RBM27: variants seen among roughly 807,000 people sequenced by gnomAD.
The protein encoded by RBM27 is RNA-binding protein 27.
Under a neutral mutation model 135.3 loss-of-function variants are expected in RBM27, and 22 were observed. The observed-to-expected ratio is 0.16, with a 90% CI of 0.12 to 0.23. The LOEUF is 0.23. Ranked by LOEUF, RBM27 falls within the 10% of genes least tolerant of loss-of-function variation. The probability of loss-of-function intolerance (pLI) is 1.00; values close to 1 mark genes in which losing one functional copy is unlikely to be tolerated. For synonymous variants in RBM27, 481 were observed against 442.4 expected (o/e 1.09, Z -1.10); for missense variants, 1,009 against 1,281.0 (o/e 0.79, Z 3.24).
At chr5:146,241,493 T>C (rs1757407164) in intron 8 of RBM27, among the ~76,000 whole-genome samples, 1 of 152,226 alleles carries the variant, frequency 6.6e-6, no homozygotes, top group Non-Finnish European at 1.5e-5. Context: ...CAAATTATTA[T>C]TATTTTTTGA....
chr5:146,240,084 CTT>C (rs1248918104), intron 8 of RBM27, among the ~76,000 whole-genome samples: 1 of 152,090 alleles, frequency 6.6e-6, no homozygotes, highest in Non-Finnish European at 1.5e-5. Flanking sequence ...GCCTTTAACT[CTT>C]TCAATAGTCT....
chr5:146,241,371 CA>C (rs1757401920), intron 8 of RBM27, among the ~76,000 whole-genome samples: 1 of 152,054 alleles, frequency 6.6e-6, no homozygotes. Flanking sequence ...ACTAGGGAGC[CA>C]AGGTGAATAA....
At chr5:146,274,047 C>T (rs928581488) in intron 19 of RBM27, among the ~76,000 whole-genome samples, 8 of 151,720 alleles carry the variant, frequency 5.3e-5, no homozygotes, top group South Asian at 2.1e-4. Flanking sequence ...TGCAATGGCA[C>T]GATCTTGGCT....
intron 19 of RBM27, among the ~76,000 whole-genome samples, chr5:146,275,869 G>GT (rs1405069221): frequency 6.6e-6 from 1 of 152,110 alleles, no homozygotes; most frequent in Non-Finnish European, 1.5e-5. Flanking sequence ...TCATTTAACT[G>GT]TAAGAATTTT....
chr5:146,217,464 G>GTT lies in RBM27; in HGVS notation c.60-1495_60-1494dup, dbSNP rs545963169. On this transcript the variant is annotated intron_variant, in intron 1 of 20. Transcript: ENST00000265271. ...GATTGATACTCTTGAGCTGAAGCCT[G>GTT]TTTTTTTTTTTTTTTTTTTTTTTTT... Among the ~76,000 whole-genome samples the GTT allele has an allele frequency of 6.3e-3, 449 of 70,782 alleles. 92 individuals carry two copies. The highest frequency in any genetic ancestry group is 0.016 in the African/African-American group (272 of 16,502). The allele number at this position is 70,782 out of a possible 152,430, so 46.4% of individuals were successfully genotyped here. A position where few individuals can be genotyped will look rare whatever the true frequency, so the allele number is the denominator to read the frequency against.
At chr5:146,282,252 C>T (rs1484274798) in intron 19 of RBM27, among the ~76,000 whole-genome samples, 4 of 152,110 alleles carry the variant, frequency 2.6e-5, no homozygotes, top group African/African-American at 9.7e-5. Context: ...GTGATCCGCC[C>T]ACCTCGGCCT....
At chr5:146,247,453 G>A (rs963201074) in intron 8 of RBM27, among the ~76,000 whole-genome samples, 3 of 151,952 alleles carry the variant, frequency 2.0e-5, no homozygotes, top group African/African-American at 4.8e-5. Context: ...TTTATTTGAC[G>A]CTATATCCAA....
intron 10 of RBM27, among the ~76,000 whole-genome samples, chr5:146,256,445 G>T (rs1371452692): frequency 6.6e-6 from 1 of 151,176 alleles, no homozygotes; most frequent in African/African-American, 2.4e-5. Context: ...CGCCTCCTGG[G>T]TTCAAGCGAT....
intron 8 of RBM27, among the ~76,000 whole-genome samples, chr5:146,246,824 A>G (rs1334521106): frequency 6.6e-6 from 1 of 151,120 alleles, no homozygotes; most frequent in Non-Finnish European, 1.5e-5. Context: ...ATCTTGCTTC[A>G]TCCATAACCT....
intron 2 of RBM27, among the ~76,000 whole-genome samples, chr5:146,220,487 A>ATATATATAT (rs1431897208): frequency 7.2e-6 from 1 of 138,664 alleles, no homozygotes; most frequent in African/African-American, 2.6e-5. Context: ...AAAAAAAAAA[A>ATATATATAT]AAATATATAT....
intron 3 of RBM27, among the ~76,000 whole-genome samples, chr5:146,225,941 C>A (rs1401536629): frequency 6.6e-6 from 1 of 151,948 alleles, no homozygotes; most frequent in Non-Finnish European, 1.5e-5. Flanking sequence ...CGGCCCATTG[C>A]AACCTCTACC....
intron 8 of RBM27, among the ~76,000 whole-genome samples, chr5:146,249,783 T>C (rs1433964572): frequency 1.3e-5 from 2 of 152,072 alleles, no homozygotes; most frequent in Non-Finnish European, 1.5e-5. Flanking sequence ...TTTTTAAATG[T>C]ACTTTTTTTT....
chr5:146,264,241 T>C (rs556188408), intron 14 of RBM27, among the ~76,000 whole-genome samples: 19 of 152,264 alleles, frequency 1.2e-4, no homozygotes, highest in African/African-American at 4.1e-4. Context: ...TGGAGTGCAA[T>C]GGCACAATCT....
chr5:146,230,867 A>G lies in RBM27; in HGVS notation c.800A>G (p.Asn267Ser), dbSNP rs372536444. 5 of 1,614,082 alleles carry G rather than the reference A, an allele frequency of 3.1e-6. No homozygotes were observed. The African/African-American group carries it at 5.3e-5, about 17-fold the overall frequency. ...SNYYNNHSSS[N>S]SFGRNLPPKR... ...TACTATAACAATCATAGCTCTTCCAATTCTTTTGGTCGAAACCTACCACCA... is the reference window on the plus strand; with the variant it reads ...TACTATAACAATCATAGCTCTTCCAGTTCTTTTGGTCGAAACCTACCACCA... The change falls in exon 6 of 21, where the codon AAT becomes AGT. Residue 267 changes from asparagine (N) to serine (S), a missense_variant. Asn to Ser is a conservative substitution (Grantham distance 46). Coordinates refer to ENST00000265271, the MANE Select transcript of RBM27 (RefSeq NM_018989.2).
chr5:146,252,271 A>C (rs920405695), intron 9 of RBM27, among the ~76,000 whole-genome samples: 2 of 152,218 alleles, frequency 1.3e-5, no homozygotes, highest in Non-Finnish European at 2.9e-5. Flanking sequence ...TGCCGATCAT[A>C]TCCTTTTTCC....
chr5:146,255,975 C>G (rs1054336439), intron 10 of RBM27, among the ~76,000 whole-genome samples: 2 of 151,728 alleles, frequency 1.3e-5, no homozygotes, highest in Admixed American at 1.3e-4. Flanking sequence ...CCTGCCTCTG[C>G]CTCCTGAATA....
chr5:146,235,883 G>A (rs978087266), intron 7 of RBM27, among the ~76,000 whole-genome samples: 1 of 151,880 alleles, frequency 6.6e-6, no homozygotes, highest in Non-Finnish European at 1.5e-5. Flanking sequence ...GTAGAGACAG[G>A]GTTCGCCATG....
rs71581865 is a variant in RBM27 at position 146,249,709 on chromosome 5, TA to T, written c.1280-1992del. Among the ~76,000 whole-genome samples the T allele has an allele frequency of 7.9e-5, 11 of 140,108 alleles. No homozygotes were observed. In the East Asian group the frequency reaches 1.0e-3, roughly 13 times the overall value. 91.9% of individuals were successfully genotyped at this position (140,108 alleles called of 152,430 possible). ...AAAAAAAAAAAAAAAAAAGAAAAAG[TA>T]AAAAAAAAAGAAAAAAAGAAAATAT... On this transcript the variant is annotated intron_variant, in intron 8 of 20. Coordinates refer to ENST00000265271, the MANE Select transcript of RBM27 (RefSeq NM_018989.2).
At chr5:146,246,874 T>G (rs1055328180) in intron 8 of RBM27, among the ~76,000 whole-genome samples, 1 of 151,702 alleles carries the variant, frequency 6.6e-6, no homozygotes, top group Non-Finnish European at 1.5e-5. Context: ...GTTTTTTTTT[T>G]TTTTTTTTAG....
Sources: gnomAD v4.1 joint callset for allele counts (sites outside exome capture counted in the v4.1 genomes callset) on GRCh38, gnomAD v4.1.1 for gene constraint, MANE v1.5 for transcripts, NCBI Gene and HGNC (gene_info 2026-07-23, HGNC 2026-07-21) for gene names.